LRMDA: variants seen among roughly 807,000 people sequenced by gnomAD.
The protein encoded by LRMDA is leucine-rich melanocyte differentiation-associated protein.
LRMDA carries 18 observed loss-of-function variants against 29.8 expected under a neutral mutation model. The ratio of observed to expected loss-of-function variants is 0.60; its 90% confidence interval spans 0.42 to 0.90. The LOEUF (loss-of-function observed/expected upper bound fraction) is 0.90. Among genes scored for constraint, LRMDA ranks in the 40% least tolerant of loss-of-function variants. The pLI is 0.00. For missense variants in LRMDA, 273 were observed against 273.9 expected (o/e 1.00, Z 0.02); for synonymous variants, 125 against 109.4 (o/e 1.14, Z -0.89).
At position 75,516,274 on chromosome 10, in the gene LRMDA, C is replaced by T. The variant is rs576155619; in HGVS notation, c.131+77780C>T. On this transcript the variant is annotated intron_variant, in intron 2 of 6. Coordinates refer to ENST00000611255, the MANE Select transcript of LRMDA (RefSeq NM_001305581.2). ...TTCTAGTTCTAGATCCTTGAGGAAT[C>T]GCCACACTGTCTTCCACAATGGTTC... 1.8e-3 allele frequency among the ~76,000 whole-genome samples: 270 copies of T among 152,324 alleles called. 1 individual carries two copies. Among genetic ancestry groups the T allele is most frequent in the Non-Finnish European group, 2.5e-3 (171 of 68,028 alleles).
At chr10:76,115,294 C>G (rs1390050587) in intron 5 of LRMDA, among the ~76,000 whole-genome samples, 1 of 152,256 alleles carries the variant, frequency 6.6e-6, no homozygotes, top group Non-Finnish European at 1.5e-5. Flanking sequence ...TCATTTGACT[C>G]TTCAGTACAA....
chr10:75,848,308 A>G (rs1328118211), intron 2 of LRMDA, among the ~76,000 whole-genome samples: 1 of 152,236 alleles, frequency 6.6e-6, no homozygotes, highest in Non-Finnish European at 1.5e-5. Context: ...ACAAAAGGAC[A>G]AATACTGTAT....
intron 5 of LRMDA, among the ~76,000 whole-genome samples, chr10:76,181,337 C>T (rs1851046031): frequency 6.6e-6 from 1 of 152,214 alleles, no homozygotes; most frequent in Non-Finnish European, 1.5e-5. Context: ...TCCCCAGGAT[C>T]TCAGTTGGCT....
At chr10:75,751,951 T>C (rs548414380) in intron 2 of LRMDA, among the ~76,000 whole-genome samples, 1 of 152,186 alleles carries the variant, frequency 6.6e-6, no homozygotes, top group South Asian at 2.1e-4. Context: ...TTTTCAATTC[T>C]CTTTCAATCC....
intron 2 of LRMDA, among the ~76,000 whole-genome samples, chr10:75,812,893 A>G (rs753220919): frequency 4.1e-4 from 62 of 152,160 alleles, no homozygotes; most frequent in Admixed American, 1.7e-3. Flanking sequence ...AGGTTATGTG[A>G]TTAGATCATT....
chr10:75,544,404 A>G (rs1213930444), intron 2 of LRMDA, among the ~76,000 whole-genome samples: 1 of 152,190 alleles, frequency 6.6e-6, no homozygotes, highest in Admixed American at 6.5e-5. Flanking sequence ...ATTTTGGGTA[A>G]GTGGAATTTT....
chr10:76,213,554 G>A (rs2132248640), intron 5 of LRMDA, among the ~76,000 whole-genome samples: 1 of 152,286 alleles, frequency 6.6e-6, no homozygotes, highest in South Asian at 2.1e-4. Context: ...CCTGGAAGTG[G>A]CTTTGAAACA....
intron 2 of LRMDA, among the ~76,000 whole-genome samples, chr10:75,587,213 C>G (rs931111708): frequency 6.6e-6 from 1 of 152,140 alleles, no homozygotes; most frequent in African/African-American, 2.4e-5. Flanking sequence ...TGGATTCCAT[C>G]AATATAGAAC....
At chr10:76,141,629 T>A (rs1444331895) in intron 5 of LRMDA, among the ~76,000 whole-genome samples, 1 of 152,110 alleles carries the variant, frequency 6.6e-6, no homozygotes, top group African/African-American at 2.4e-5. Flanking sequence ...CATTCCAAAT[T>A]AGTTTTGTTC....
chr10:75,742,198 A>T (rs375884361), intron 2 of LRMDA, among the ~76,000 whole-genome samples: 3 of 152,250 alleles, frequency 2.0e-5, no homozygotes, highest in African/African-American at 7.2e-5. Flanking sequence ...TCTCCACGTC[A>T]AAGTTTTTCA....
rs548804888 is a variant in LRMDA, at chr10:76,407,467, C to T, written c.601+82982C>T. Among the ~76,000 whole-genome samples the T allele has an allele frequency of 2.0e-5, 3 of 152,206 alleles. No homozygotes were observed. The East Asian group carries it at 5.8e-4, about 29-fold the overall frequency. On this transcript the variant is annotated intron_variant, in intron 6 of 6. Coordinates refer to ENST00000611255, the MANE Select transcript of LRMDA (RefSeq NM_001305581.2). Reference sequence around the variant, plus strand: ...ATTAATGTTCTAGAAGTTACTGGGACCAGTTTTCATCCAATGCAAGAATAA... The same window carrying T: ...ATTAATGTTCTAGAAGTTACTGGGATCAGTTTTCATCCAATGCAAGAATAA...
intron 2 of LRMDA, among the ~76,000 whole-genome samples, chr10:76,003,694 G>A (rs922997579): frequency 1.1e-4 from 17 of 152,164 alleles, no homozygotes; most frequent in African/African-American, 4.1e-4. Flanking sequence ...TCAGTTGAGG[G>A]TGTTGAAGGA....
At chr10:76,337,761 C>G (rs550863374) in intron 6 of LRMDA, among the ~76,000 whole-genome samples, 1 of 151,914 alleles carries the variant, frequency 6.6e-6, no homozygotes, top group African/African-American at 2.4e-5. Context: ...AGGGCTCCAC[C>G]AAGAGGGTGT....
At chr10:76,147,282 TC>T (rs1317152549) in intron 5 of LRMDA, among the ~76,000 whole-genome samples, 1 of 152,188 alleles carries the variant, frequency 6.6e-6, no homozygotes, top group Non-Finnish European at 1.5e-5. Context: ...CAGAGTGTTT[TC>T]CAACTTGGTT....
chr10:76,357,256 T>G (rs1841253055), intron 6 of LRMDA, among the ~76,000 whole-genome samples: 2 of 152,152 alleles, frequency 1.3e-5, no homozygotes, highest in African/African-American at 4.8e-5. Context: ...TGAATAGAGC[T>G]GGGGGATCTG....
intron 5 of LRMDA, among the ~76,000 whole-genome samples, chr10:76,193,843 C>A (rs1851287930): frequency 6.6e-6 from 1 of 152,116 alleles, no homozygotes; most frequent in African/African-American, 2.4e-5. Context: ...GAGAGGCCTG[C>A]AGCAGGAGAA....
chr10:76,378,423 T>C (rs1841547248), intron 6 of LRMDA, among the ~76,000 whole-genome samples: 1 of 152,226 alleles, frequency 6.6e-6, no homozygotes, highest in African/African-American at 2.4e-5. Context: ...AGTACTAGAA[T>C]AGGAGTGGTG....
intron 6 of LRMDA, among the ~76,000 whole-genome samples, chr10:76,490,594 G>C (rs919212057): frequency 1.3e-5 from 2 of 151,830 alleles, no homozygotes; most frequent in Admixed American, 1.3e-4. Context: ...TATAAGCATA[G>C]CTACTCCTGC....
chr10:76,046,342 G>A (rs1003189689), intron 3 of LRMDA, among the ~76,000 whole-genome samples: 1 of 152,094 alleles, frequency 6.6e-6, no homozygotes, highest in African/African-American at 2.4e-5. Context: ...TTGGACAGTG[G>A]GTCCCACTGG....
Sources: gnomAD v4.1 joint callset for allele counts (sites outside exome capture counted in the v4.1 genomes callset) on GRCh38, gnomAD v4.1.1 for gene constraint, MANE v1.5 for transcripts, NCBI Gene and HGNC (gene_info 2026-07-23, HGNC 2026-07-21) for gene names.